FSHR: variants seen among roughly 807,000 people sequenced by gnomAD.
The protein encoded by FSHR is follicle-stimulating hormone receptor.
Under a neutral mutation model 52.1 loss-of-function variants are expected in FSHR, and 46 were observed. The ratio of observed to expected loss-of-function variants is 0.88; its 90% CI spans 0.70 to 1.13. The LOEUF (loss-of-function observed/expected upper bound fraction) is 1.13. Among genes scored for constraint, FSHR ranks in the 50% most tolerant of loss-of-function variants. The pLI is 0.00. For synonymous variants in FSHR, 399 were observed against 309.6 expected (o/e 1.29, Z -3.03); for missense variants, 964 against 834.6 (o/e 1.16, Z -1.91).
chr2:49,074,196 C>G (rs1669860853), intron 1 of FSHR, among the ~76,000 whole-genome samples: 1 of 151,010 alleles, frequency 6.6e-6, no homozygotes, highest in East Asian at 2.0e-4. Context: ...GGGATTATGT[C>G]AAACCAAAAA....
intron 1 of FSHR, among the ~76,000 whole-genome samples, chr2:49,113,154 C>T (rs1246923507): frequency 1.3e-5 from 2 of 152,138 alleles, no homozygotes; most frequent in African/African-American, 4.8e-5. Context: ...CCTTGACTAC[C>T]AGTGACCTTG....
At chr2:49,000,833 A>C (rs1182728411) in intron 4 of FSHR, among the ~76,000 whole-genome samples, 1 of 152,116 alleles carries the variant, frequency 6.6e-6, no homozygotes, top group Non-Finnish European at 1.5e-5. Context: ...ATTTGAGCTG[A>C]GTGAGAGGCT....
chr2:49,074,981 A>G (rs1669893778), intron 1 of FSHR, among the ~76,000 whole-genome samples: 1 of 152,134 alleles, frequency 6.6e-6, no homozygotes, highest in South Asian at 2.1e-4. Context: ...TGGAAGCTAG[A>G]AAAAGTTGAT....
At position 48,963,701 on chromosome 2, in the gene FSHR, T is replaced by G; in HGVS notation, c.1120A>C (p.Ile374Leu). Residue 374 changes from isoleucine to leucine, a missense_variant, in exon 10 of 10, where the codon ATC (isoleucine) becomes CTC (leucine). By Grantham distance (5) the Ile-to-Leu change is conservative. Coordinates refer to ENST00000406846, the MANE Select transcript of FSHR (RefSeq NM_000145.4). ...ILRVLIWFIS[I>L]LAITGNIIVL... Reference sequence around the variant, plus strand: ...ATGATGTTCCCAGTGATGGCCAGGATGCTGATAAACCATATCAGGACTCTG... The same window carrying G: ...ATGATGTTCCCAGTGATGGCCAGGAGGCTGATAAACCATATCAGGACTCTG... 6.2e-7 allele frequency: 1 copy of G among 1,614,190 alleles called. No homozygotes were observed. Among genetic ancestry groups the G allele is most frequent in the Non-Finnish European group, 8.5e-7 (1 of 1,180,016 alleles).
chr2:48,986,310 T>TTGTAGTA, intron 6 of FSHR, among the ~76,000 whole-genome samples: 1 of 152,170 alleles, frequency 6.6e-6, no homozygotes, highest in South Asian at 2.1e-4. Flanking sequence ...TCTTGTTCTT[T>TTGTAGTA]TTTATAGCTG....
At chr2:49,034,023 C>T (rs565019338) in intron 2 of FSHR, among the ~76,000 whole-genome samples, 5 of 152,256 alleles carry the variant, frequency 3.3e-5, no homozygotes, top group Non-Finnish European at 5.9e-5. Context: ...GAATTGTAGA[C>T]GTCTCTCAGG....
At chr2:49,093,862 G>T (rs1670714102) in intron 1 of FSHR, among the ~76,000 whole-genome samples, 2 of 152,006 alleles carry the variant, frequency 1.3e-5, no homozygotes, top group South Asian at 4.1e-4. Flanking sequence ...CTTCCAAATT[G>T]CTAGGATTAT....
chr2:49,127,906 T>C (rs1166177639), intron 1 of FSHR, among the ~76,000 whole-genome samples: 14 of 134,606 alleles, frequency 1.0e-4, no homozygotes, highest in African/African-American at 1.7e-4. Flanking sequence ...TTCTTTTTTT[T>C]TTTTGAGACG....
At chr2:49,077,357 AC>A (rs1669987330) in intron 1 of FSHR, among the ~76,000 whole-genome samples, 1 of 152,166 alleles carries the variant, frequency 6.6e-6, no homozygotes, top group South Asian at 2.1e-4. Flanking sequence ...CCTTTCAGCC[AC>A]AGCTGGAGCA....
At position 49,073,004 on chromosome 2, in the gene FSHR, AAT is replaced by A. The variant is rs1470479873; in HGVS notation, c.153-4716_153-4715del. On this transcript the variant is annotated intron_variant, in intron 1 of 9. Coordinates refer to ENST00000406846, the MANE Select transcript of FSHR (RefSeq NM_000145.4). ...AAAAGGTATGTGCACATTTCCTTTA[AAT>A]CAGAAATATAGATAAAGGCATTATA... is the stretch of plus-strand genomic sequence containing the variant. 2.6e-5 allele frequency among the ~76,000 whole-genome samples: 4 copies of A among 152,262 alleles called. No homozygotes were observed. The East Asian group carries it at 7.7e-4, about 29-fold the overall frequency.
At chr2:49,114,859 A>G (rs1485171809) in intron 1 of FSHR, among the ~76,000 whole-genome samples, 1 of 152,056 alleles carries the variant, frequency 6.6e-6, no homozygotes, top group Admixed American at 6.6e-5. Flanking sequence ...ATGATCATAC[A>G]ACCTTTGTGG....
intron 1 of FSHR, among the ~76,000 whole-genome samples, chr2:49,136,329 A>G (rs1000950552): frequency 6.6e-6 from 1 of 152,118 alleles, no homozygotes; most frequent in Non-Finnish European, 1.5e-5. Context: ...GAAATATATA[A>G]TATAAATAGA....
chr2:49,060,568 T>C (rs545624707), intron 2 of FSHR, among the ~76,000 whole-genome samples: 1 of 152,140 alleles, frequency 6.6e-6, no homozygotes, highest in African/African-American at 2.4e-5. Flanking sequence ...CCCACAGGCC[T>C]GAGCTGAAGT....
chr2:49,021,886 T>TATATATATATATATATAGAG (rs1273265515), intron 2 of FSHR, among the ~76,000 whole-genome samples: 4 of 25,118 alleles, frequency 1.6e-4, no homozygotes, highest in Non-Finnish European at 2.2e-4. Context: ...TATATATATA[T>TATATATATATATATATAGAG]AGAGAGAGAG....
intron 1 of FSHR, among the ~76,000 whole-genome samples, chr2:49,136,128 C>T (rs1672479896): frequency 1.3e-5 from 2 of 151,542 alleles, no homozygotes; most frequent in Admixed American, 6.6e-5. Flanking sequence ...GATAGAATGA[C>T]CAAGAAGAAA....
intron 1 of FSHR, among the ~76,000 whole-genome samples, chr2:49,118,497 G>A (rs1480071101): frequency 6.6e-6 from 1 of 152,170 alleles, no homozygotes; most frequent in Non-Finnish European, 1.5e-5. Context: ...CTTCATGTGA[G>A]ACAGGAATAA....
At chr2:49,123,021 C>T (rs1227609020) in intron 1 of FSHR, among the ~76,000 whole-genome samples, 1 of 152,130 alleles carries the variant, frequency 6.6e-6, no homozygotes, top group Admixed American at 6.5e-5. Context: ...TTTCCTTTAT[C>T]CTTCCTCGCC....
chr2:49,059,896 A>C (rs1229452824), intron 2 of FSHR, among the ~76,000 whole-genome samples: 1 of 152,196 alleles, frequency 6.6e-6, no homozygotes, highest in Non-Finnish European at 1.5e-5. Flanking sequence ...AGAGCCAATG[A>C]AACAATCAAT....
chr2:49,018,861 T>G (rs12617250), intron 3 of FSHR, among the ~76,000 whole-genome samples: 80,206 of 151,708 alleles, frequency 0.53, 22,125 homozygotes, highest in Non-Finnish European at 0.62. Flanking sequence ...GTGTGTCTAT[T>G]TGTGTGTGTG....
Sources: gnomAD v4.1 joint callset for allele counts (sites outside exome capture counted in the v4.1 genomes callset) on GRCh38, gnomAD v4.1.1 for gene constraint, MANE v1.5 for transcripts, NCBI Gene and HGNC (gene_info 2026-07-23, HGNC 2026-07-21) for gene names.